The following DCC variants were observed in gnomAD, a reference collection of about 807,000 sequenced individuals.
The protein encoded by DCC is netrin receptor DCC.
In DCC, 58 loss-of-function variants were observed where a neutral mutation model predicts 172.5. That is an observed-to-expected ratio of 0.34 (90% CI 0.27 to 0.42). DCC has a LOEUF of 0.42. DCC is among the 10% of genes least tolerant of loss of function. The pLI is 1.00. For synonymous variants in DCC, 709 were observed against 644.5 expected (o/e 1.10, Z -1.52); for missense variants, 1,740 against 1,791.0 (o/e 0.97, Z 0.51).
intron 15 of DCC, among the ~76,000 whole-genome samples, chr18:53,368,374 A>G (rs2058027803): frequency 1.3e-5 from 2 of 152,118 alleles, no homozygotes; most frequent in African/African-American, 2.4e-5. Flanking sequence ...CCTTTATTCT[A>G]TAGTATGGGT....
Position 53,157,343 on chromosome 18 carries a change from TC to T in DCC, c.1262-12del, listed in dbSNP as rs367647374. ...AGCGACACCTCTGATAGCCTCCTCT[TC>T]TTTCTCCTTAGCTATCCCAAGCTCC... is the stretch of plus-strand genomic sequence containing the variant. On this transcript the variant is annotated splice_polypyrimidine_tract_variant and intron_variant, in intron 7 of 28. Coordinates refer to ENST00000442544, the MANE Select transcript of DCC (RefSeq NM_005215.4). 2.8e-4 allele frequency: 455 copies of T among 1,614,004 alleles called. 1 individual carries two copies. The African/African-American group carries it at 5.4e-3, about 19-fold the overall frequency.
chr18:52,525,350 C>T (rs1226878551), intron 1 of DCC, among the ~76,000 whole-genome samples: 1 of 152,178 alleles, frequency 6.6e-6, no homozygotes, highest in Non-Finnish European at 1.5e-5. Flanking sequence ...TGCCCATCTT[C>T]CACCCTCTGC....
intron 21 of DCC, among the ~76,000 whole-genome samples, chr18:53,423,013 G>A (rs1165741529): frequency 3.9e-5 from 6 of 152,094 alleles, no homozygotes; most frequent in Admixed American, 2.6e-4. Context: ...GAGTGTTAAG[G>A]TGCTTATCAT....
At chr18:52,979,270 A>G (rs9965121) in intron 5 of DCC, among the ~76,000 whole-genome samples, 33,573 of 152,054 alleles carry the variant, frequency 0.22, 3,990 homozygotes, top group South Asian at 0.41. Flanking sequence ...GGAGAGGGGA[A>G]GGAATCAGTT....
intron 2 of DCC, among the ~76,000 whole-genome samples, chr18:52,868,659 C>T (rs2039267567): frequency 6.6e-6 from 1 of 152,190 alleles, no homozygotes; most frequent in Admixed American, 6.5e-5. Context: ...CTGTGAAGCT[C>T]TGTGGCCGGT....
At chr18:53,164,236 G>T (rs1033582752) in intron 8 of DCC, among the ~76,000 whole-genome samples, 1 of 152,114 alleles carries the variant, frequency 6.6e-6, no homozygotes. Flanking sequence ...ACACACTAGT[G>T]AATTTTTATT....
chr18:53,240,809 G>C (rs929126037), intron 12 of DCC, among the ~76,000 whole-genome samples: 5 of 152,096 alleles, frequency 3.3e-5, no homozygotes, highest in African/African-American at 1.2e-4. Flanking sequence ...AAACTGGCTT[G>C]TCAGATTCTA....
chr18:52,793,054 A>G (rs763851627), intron 2 of DCC, among the ~76,000 whole-genome samples: 1 of 152,174 alleles, frequency 6.6e-6, no homozygotes, highest in African/African-American at 2.4e-5. Flanking sequence ...TCTGATAAAG[A>G]GGTGTGGTGG....
At chr18:52,946,873 C>T (rs1015131075) in intron 5 of DCC, among the ~76,000 whole-genome samples, 1 of 152,102 alleles carries the variant, frequency 6.6e-6, no homozygotes, top group Non-Finnish European at 1.5e-5. Context: ...CCAAAAATCT[C>T]GTAATAAAGA....
intron 11 of DCC, among the ~76,000 whole-genome samples, chr18:53,210,495 G>T (rs2055732484): frequency 6.6e-6 from 1 of 152,038 alleles, no homozygotes; most frequent in Non-Finnish European, 1.5e-5. Context: ...AAATATGAAG[G>T]ATGCTGTTAT....
At chr18:52,375,992 A>T (rs532265132) in intron 1 of DCC, among the ~76,000 whole-genome samples, 1 of 152,328 alleles carries the variant, frequency 6.6e-6, no homozygotes, top group South Asian at 2.1e-4. Flanking sequence ...AATCAGTGAG[A>T]AAACAACACT....
chr18:52,899,337 T>C (rs2039776364), intron 2 of DCC, among the ~76,000 whole-genome samples: 1 of 135,548 alleles, frequency 7.4e-6, no homozygotes, highest in African/African-American at 2.7e-5. Context: ...TGTTTTTCTT[T>C]CTTTCCTTTT....
Position 52,652,584 on chromosome 18 carries a change from G to T in DCC, c.92-99470G>T, listed in dbSNP as rs144746233. 5.1e-3 allele frequency among the ~76,000 whole-genome samples: 777 copies of T among 152,142 alleles called. 6 individuals carry two copies. The highest frequency in any genetic ancestry group is 0.018 in the African/African-American group (759 of 41,512). On this transcript the variant is annotated intron_variant, in intron 1 of 28. Transcript: ENST00000442544. Reference sequence around the variant, plus strand: ...CCGTGGCTCTGCCTGGATTTCACACGGGCCCATTGGAATGTTCAGTCTCAG... The same window carrying T: ...CCGTGGCTCTGCCTGGATTTCACACTGGCCCATTGGAATGTTCAGTCTCAG...
chr18:52,504,808 A>T, intron 1 of DCC, among the ~76,000 whole-genome samples: 1 of 151,560 alleles, frequency 6.6e-6, no homozygotes, highest in East Asian at 1.9e-4. Context: ...CACCAACCTC[A>T]GCCTGCTTCT....
At chr18:52,610,814 A>G (rs184622159) in intron 1 of DCC, among the ~76,000 whole-genome samples, 1 of 151,700 alleles carries the variant, frequency 6.6e-6, no homozygotes, top group Non-Finnish European at 1.5e-5. Flanking sequence ...AAGTTACAAA[A>G]TCTTCTTTTG....
intron 1 of DCC, among the ~76,000 whole-genome samples, chr18:52,569,166 T>A (rs2033235145): frequency 6.6e-6 from 1 of 152,186 alleles, no homozygotes; most frequent in Non-Finnish European, 1.5e-5. Flanking sequence ...TTGCCATCAA[T>A]CTGTACTGTG....
At chr18:53,195,602 C>T (rs1049866623) in intron 9 of DCC, among the ~76,000 whole-genome samples, 2 of 152,226 alleles carry the variant, frequency 1.3e-5, no homozygotes, top group East Asian at 1.9e-4. Flanking sequence ...GGTATAGGGT[C>T]GTTTTTGTCT....
intron 8 of DCC, among the ~76,000 whole-genome samples, chr18:53,172,229 C>G (rs925678330): frequency 5.9e-5 from 9 of 152,034 alleles, no homozygotes; most frequent in Non-Finnish European, 1.2e-4. Context: ...AACAGAAAAC[C>G]AAATACTACA....
chr18:52,665,596 A>G (rs1352800054), intron 1 of DCC, among the ~76,000 whole-genome samples: 2 of 152,216 alleles, frequency 1.3e-5, no homozygotes, highest in Non-Finnish European at 2.9e-5. Context: ...TATACCATCT[A>G]TTGAAAAACA....
Sources: allele counts gnomAD v4.1 joint callset (sites outside exome capture counted in the v4.1 genomes callset), GRCh38; gene constraint gnomAD v4.1.1; transcripts MANE v1.5; gene names NCBI Gene and HGNC (gene_info 2026-07-23, HGNC 2026-07-21).